Variants in CDH13 observed in about 807,000 individuals in gnomAD.
CDH13 encodes the protein cadherin-13.
Under a neutral mutation model 63.8 loss-of-function variants are expected in CDH13, and 24 were observed. That is an observed-to-expected ratio of 0.38 (90% confidence interval 0.27 to 0.53). CDH13 has a LOEUF of 0.53. CDH13 is among the 20% of genes least tolerant of loss of function. The probability of loss-of-function intolerance (pLI) is 0.85; values close to 1 mark genes in which losing one functional copy is unlikely to be tolerated. For missense variants in CDH13, 1,049 were observed against 903.1 expected, an observed-to-expected ratio of 1.16 and a Z score of -2.07; for synonymous variants, 503 against 355.3, an observed-to-expected ratio of 1.42 and a Z score of -4.67.
chr16:83,181,042 A>T (rs2038334708), intron 4 of CDH13: 1 of 1,492,312 alleles, frequency 6.7e-7, no homozygotes, highest in South Asian at 1.3e-5. Flanking sequence ...GGTATTTCAA[A>T]TCCATTTTCT....
At chr16:83,271,933 C>A (rs572474070) in intron 5 of CDH13, among the ~76,000 whole-genome samples, 13 of 152,220 alleles carry the variant, frequency 8.5e-5, no homozygotes, top group African/African-American at 3.1e-4. Flanking sequence ...ATCTTGTCAC[C>A]GGAAATTACT....
In CDH13 at chr16:83,704,174, G is replaced by C. The variant is rs544806186; in HGVS notation, c.1538+25713G>C. ...GAAGCTGTGATTTCCAGTGTGGTCTGGAGGAGAAAACTGCCTCGAAGGAAG... is the reference window on the plus strand; with the variant it reads ...GAAGCTGTGATTTCCAGTGTGGTCTCGAGGAGAAAACTGCCTCGAAGGAAG... On this transcript the variant is annotated intron_variant, in intron 10 of 13. Transcript: ENST00000567109. 3.9e-5 allele frequency among the ~76,000 whole-genome samples: 6 copies of C among 152,316 alleles called. No homozygotes were observed. The South Asian group carries it at 1.2e-3, about 32-fold the overall frequency.
At chr16:83,139,027 A>G (rs979576717) in intron 4 of CDH13, among the ~76,000 whole-genome samples, 4 of 151,746 alleles carry the variant, frequency 2.6e-5, no homozygotes, top group Non-Finnish European at 5.9e-5. Context: ...GTGGGAATGT[A>G]GACTGTGAAA....
At chr16:82,861,449 C>T (rs1256092290) in intron 2 of CDH13, among the ~76,000 whole-genome samples, 2 of 152,172 alleles carry the variant, frequency 1.3e-5, no homozygotes, top group Admixed American at 6.5e-5. Flanking sequence ...TCTACCCCTA[C>T]CCTAGACTTG....
At chr16:82,917,864 G>A (rs1409615223) in intron 2 of CDH13, among the ~76,000 whole-genome samples, 6 of 142,708 alleles carry the variant, frequency 4.2e-5, no homozygotes, top group South Asian at 2.2e-4. Context: ...GCAGTGAGCC[G>A]AGATCTCACT....
intron 5 of CDH13, among the ~76,000 whole-genome samples, chr16:83,262,988 G>C (rs1410629929): frequency 6.6e-5 from 10 of 152,168 alleles, no homozygotes; most frequent in African/African-American, 2.4e-4. Flanking sequence ...TGACTGATAG[G>C]AAATGGGATA....
rs562584542 is a variant in CDH13 at position 83,230,439 on chromosome 16, A to T, written c.636+12942A>T. 9.9e-5 allele frequency among the ~76,000 whole-genome samples: 15 copies of T among 152,212 alleles called. No homozygotes were observed. The South Asian group carries it at 3.1e-3, about 32-fold the overall frequency. ...GATCATACTGTGTGTTCCCTGCCTG[A>T]CCACCCCCGCAAGCCTCTTGACTCC... On this transcript the variant is annotated intron_variant, in intron 5 of 13. Transcript: ENST00000567109.
intron 2 of CDH13, among the ~76,000 whole-genome samples, chr16:82,966,392 C>G (rs1227515428): frequency 1.3e-5 from 2 of 152,172 alleles, no homozygotes; most frequent in Non-Finnish European, 2.9e-5. Context: ...CGTGATCCGC[C>G]CACCTCCGCC....
At chr16:82,627,715 T>C (rs1325658663) in intron 1 of CDH13, among the ~76,000 whole-genome samples, 1 of 152,098 alleles carries the variant, frequency 6.6e-6, no homozygotes, top group Admixed American at 6.5e-5. Context: ...GCCCGGCTGC[T>C]GCTGTCGCTC....
intron 8 of CDH13, among the ~76,000 whole-genome samples, chr16:83,645,491 A>G (rs1045408298): frequency 7.9e-5 from 12 of 152,136 alleles, no homozygotes; most frequent in South Asian, 2.1e-4. Flanking sequence ...TAGAAGCCCA[A>G]TCTTCACCAA....
chr16:83,592,139 G>A (rs1387921935), intron 7 of CDH13, among the ~76,000 whole-genome samples: 6 of 152,242 alleles, frequency 3.9e-5, no homozygotes, highest in East Asian at 3.9e-4. Flanking sequence ...TCTCTCCCAC[G>A]GGACTTGATT....
intron 2 of CDH13, among the ~76,000 whole-genome samples, chr16:83,014,743 A>ATATATAT (rs1555562539): frequency 6.0e-5 from 2 of 33,232 alleles, no homozygotes; most frequent in African/African-American, 1.2e-4. Context: ...AAAAAAAAAA[A>ATATATAT]ATATATATAT....
chr16:83,573,529 C>T (rs771797910), intron 7 of CDH13, among the ~76,000 whole-genome samples: 10 of 152,182 alleles, frequency 6.6e-5, no homozygotes, highest in South Asian at 2.1e-4. Flanking sequence ...TAATCAATGG[C>T]GGCACCTTTG....
At chr16:82,938,136 A>C (rs2042725799) in intron 2 of CDH13, among the ~76,000 whole-genome samples, 1 of 152,248 alleles carries the variant, frequency 6.6e-6, no homozygotes, top group African/African-American at 2.4e-5. Flanking sequence ...TTCTGGGAAG[A>C]ATGTATCTTA....
chr16:83,616,642 C>G (rs1045329474), intron 8 of CDH13, among the ~76,000 whole-genome samples: 3 of 152,168 alleles, frequency 2.0e-5, no homozygotes, highest in African/African-American at 7.2e-5. Context: ...TATGACATGA[C>G]TACACCTCCA....
chr16:83,061,069 G>A (rs374199040), intron 3 of CDH13, among the ~76,000 whole-genome samples: 81 of 152,282 alleles, frequency 5.3e-4, no homozygotes, highest in African/African-American at 1.8e-3. Flanking sequence ...GGGGACTAAG[G>A]TATTGCGCTC....
At chr16:83,560,658 T>A (rs1344216768) in intron 7 of CDH13, among the ~76,000 whole-genome samples, 1 of 152,220 alleles carries the variant, frequency 6.6e-6, no homozygotes, top group Non-Finnish European at 1.5e-5. Context: ...TGGTCATTGG[T>A]CCCTGGGCCT....
chr16:83,278,964 A>G (rs1437225226), intron 5 of CDH13, among the ~76,000 whole-genome samples: 1 of 152,190 alleles, frequency 6.6e-6, no homozygotes, highest in Non-Finnish European at 1.5e-5. Context: ...GAAAGCACAC[A>G]GCACTCTGCC....
At chr16:83,376,553 A>G (rs1352192536) in intron 6 of CDH13, among the ~76,000 whole-genome samples, 1 of 152,312 alleles carries the variant, frequency 6.6e-6, no homozygotes, top group Non-Finnish European at 1.5e-5. Context: ...TTAGAAAAAA[A>G]TTATTCTGGC....
Sources: gnomAD v4.1 joint callset for allele counts (sites outside exome capture counted in the v4.1 genomes callset) on GRCh38, gnomAD v4.1.1 for gene constraint, MANE v1.5 for transcripts, NCBI Gene and HGNC (gene_info 2026-07-23, HGNC 2026-07-21) for gene names.